The following MALRD1 variants were observed in gnomAD, a reference collection of about 807,000 sequenced individuals.
The protein encoded by MALRD1 is MAM and LDL receptor class A domain containing 1, also known as MAM and LDL-receptor class A domain-containing protein 1.
A neutral mutation model predicts 242.1 loss-of-function variants in MALRD1; 247 were observed. That is an observed-to-expected ratio of 1.02 (90% CI 0.92 to 1.13). MALRD1 has a LOEUF of 1.13. MALRD1 is among the 50% of genes most tolerant of loss of function. The pLI is 0.00. For missense variants in MALRD1, 2,989 were observed against 2,533.1 expected, an observed-to-expected ratio of 1.18 and a Z score of -3.86; for synonymous variants, 995 against 866.6, an observed-to-expected ratio of 1.15 and a Z score of -2.60.
At chr10:19,101,924 TC>T (rs1381158264) in intron 4 of MALRD1, among the ~76,000 whole-genome samples, 1 of 138,252 alleles carries the variant, frequency 7.2e-6, no homozygotes, top group Non-Finnish European at 1.5e-5. Flanking sequence ...ATATATAATC[TC>T]CAAGTAGTTT....
In MALRD1 at chr10:19,204,881, C is replaced by T. The variant is rs780530236; in HGVS notation, c.2211-17C>T. ...TTCTATAAATCACTTCCATTTCTTA[C>T]GTTTACTCTTTTTTAGGTTCTATAA... On this transcript the variant is annotated splice_polypyrimidine_tract_variant and intron_variant, in intron 16 of 39. Transcript: ENST00000454679. 16 of 1,522,410 alleles carry T rather than the reference C, an allele frequency of 1.1e-5. No homozygotes were observed. Among genetic ancestry groups the T allele is most frequent in the Admixed American group, 6.4e-5 (3 of 47,158 alleles). The allele number at this position is 1,522,410 out of a possible 1,614,324, so 94.3% of individuals were successfully genotyped here.
intron 28 of MALRD1, among the ~76,000 whole-genome samples, chr10:19,449,304 G>A (rs1835180567): frequency 6.6e-6 from 1 of 152,132 alleles, no homozygotes; most frequent in Non-Finnish European, 1.5e-5. Flanking sequence ...AGTCTCCCAA[G>A]TAGCTGGGAC....
intron 18 of MALRD1, among the ~76,000 whole-genome samples, chr10:19,255,434 C>G (rs1046994604): frequency 1.3e-5 from 2 of 151,868 alleles, no homozygotes; most frequent in Non-Finnish European, 2.9e-5. Context: ...TGGTCATTTT[C>G]TCAGGACTAC....
chr10:19,280,195 C>A lies in MALRD1; in HGVS notation c.3228C>A (p.Cys1076Ter). The A allele has an allele frequency of 6.6e-7, 1 of 1,520,424 alleles. No individual in the cohort carries two copies. The highest frequency in any genetic ancestry group is 8.8e-7 in the Non-Finnish European group (1 of 1,136,744). 94.2% of individuals were successfully genotyped at this position (1,520,424 alleles called of 1,614,324 possible). A position where few individuals can be genotyped will look rare whatever the true frequency, so the allele number is the denominator to read the frequency against. Residue 1076 changes from cysteine to a stop codon, truncating the protein, a stop_gained, in exon 20 of 40, where the codon TGC becomes TGA. Coordinates refer to ENST00000454679, the MANE Select transcript of MALRD1 (RefSeq NM_001142308.3). LOFTEE classifies it high-confidence loss of function. ...AGAAATGTGATTTTAAATATGACTG[C>A]CCTGACAAATCAGATGAAGCATCCT... ...KMQKCDFKYD[C>*]PDKSDEASCV...
chr10:19,643,469 A>T (rs1186835508), intron 36 of MALRD1, among the ~76,000 whole-genome samples: 3 of 152,152 alleles, frequency 2.0e-5, no homozygotes, highest in Non-Finnish European at 2.9e-5. Context: ...TTAAGCATTC[A>T]TGAATAAGAC....
intron 1 of MALRD1, among the ~76,000 whole-genome samples, chr10:19,055,974 T>C (rs987044387): frequency 2.6e-5 from 4 of 152,172 alleles, no homozygotes; most frequent in African/African-American, 7.2e-5. Context: ...AACTTGCACA[T>C]GTACCCTTGA....
At chr10:19,685,778 A>C (rs532800849) in intron 36 of MALRD1, among the ~76,000 whole-genome samples, 1 of 152,276 alleles carries the variant, frequency 6.6e-6, no homozygotes, top group Admixed American at 6.5e-5. Flanking sequence ...AGTTGGGGAG[A>C]ATAGGTCTCT....
Position 19,366,683 on chromosome 10 carries a change from T to A in MALRD1, c.4441+14386T>A, listed in dbSNP as rs780230119. Among the ~76,000 whole-genome samples the A allele has an allele frequency of 1.2e-4, 19 of 152,190 alleles. 1 individual carries two copies. Among genetic ancestry groups the A allele is most frequent in the Admixed American group, 1.2e-3 (19 of 15,264 alleles). On this transcript the variant is annotated intron_variant, in intron 26 of 39. Transcript: ENST00000454679. Reference sequence around the variant, plus strand: ...CTTATGCATTCTGGTGATGAACATATGGGTTGGTTCAAACCATTAGACCTT... The same window carrying A: ...CTTATGCATTCTGGTGATGAACATAAGGGTTGGTTCAAACCATTAGACCTT...
rs889983435 is a variant in MALRD1 at position 19,734,170 on chromosome 10, C to T, written c.6404C>T (p.Ser2135Phe). ...NPEKTESSVYSFSNPLYGTTS... is the reference protein window; with the variant it reads ...NPEKTESSVYFFSNPLYGTTS... Reference sequence around the variant, plus strand: ...TTTCTTCGTCAGAGTTCTGTCTATTCCTTCTCAAACCCATTATATGGCACA... The same window carrying T: ...TTTCTTCGTCAGAGTTCTGTCTATTTCTTCTCAAACCCATTATATGGCACA... The change falls in exon 40 of 40, where the codon TCC (serine) becomes TTC (phenylalanine). Residue 2135 changes from serine to phenylalanine, a missense_variant. Transcript: ENST00000454679. The T allele has an allele frequency of 1.2e-5, 19 of 1,534,926 alleles. No individual in the cohort carries two copies. The South Asian group carries it at 1.8e-4, about 14-fold the overall frequency.
Position 19,531,230 on chromosome 10 carries a change from G to T in MALRD1, c.5357G>T (p.Gly1786Val), listed in dbSNP as rs376844894. 1.3e-6 allele frequency: 2 copies of T among 1,550,142 alleles called. No individual in the cohort carries two copies. The highest frequency in any genetic ancestry group is 1.7e-6 in the Non-Finnish European group (2 of 1,146,828). ...CACTTCCTGTACGTCAACTCATCTG[G>T]CTCCAAGGAAGGATCCGTTGCCAGA... Reference protein sequence around the residue: ...GQHFLYVNSSGSKEGSVARIT... With the variant: ...GQHFLYVNSSVSKEGSVARIT... Residue 1786 changes from glycine (G) to valine (V), a missense_variant, in exon 32 of 40, where the codon GGC (glycine) becomes GTC (valine). Coordinates refer to ENST00000454679, the MANE Select transcript of MALRD1 (RefSeq NM_001142308.3).
At chr10:19,184,492 A>T (rs1247615781) in intron 14 of MALRD1, among the ~76,000 whole-genome samples, 1 of 152,268 alleles carries the variant, frequency 6.6e-6, no homozygotes, top group African/African-American at 2.4e-5. Flanking sequence ...TTGTTTCTTT[A>T]GGATAGATCA....
rs529142209 is a variant in MALRD1 at position 19,726,259 on chromosome 10, A to G, written c.6315-4447A>G. The stretch of plus-strand genomic sequence containing the variant: ...AAATCCATACAACTTAAGAACAAAA[A>G]GACAACCCAATTTCAAAATGGGCAA... On this transcript the variant is annotated intron_variant, in intron 38 of 39. Coordinates refer to ENST00000454679, the MANE Select transcript of MALRD1 (RefSeq NM_001142308.3). 3.3e-5 allele frequency among the ~76,000 whole-genome samples: 5 copies of G among 152,336 alleles called. No individual in the cohort carries two copies. In the East Asian group the frequency reaches 7.7e-4, roughly 24 times the overall value.
intron 39 of MALRD1, among the ~76,000 whole-genome samples, chr10:19,731,607 T>C (rs989910150): frequency 3.9e-5 from 6 of 152,030 alleles, no homozygotes; most frequent in Admixed American, 3.9e-4. Context: ...TCCCCAGAAT[T>C]TATACATCCT....
At chr10:19,639,484 A>G (rs562375871) in intron 36 of MALRD1, among the ~76,000 whole-genome samples, 101 of 152,308 alleles carry the variant, frequency 6.6e-4, no homozygotes, top group African/African-American at 2.3e-3. Context: ...TTGAGACATC[A>G]GCAACAAAAA....
chr10:19,246,313 G>A (rs747691643), intron 18 of MALRD1, among the ~76,000 whole-genome samples: 2 of 152,034 alleles, frequency 1.3e-5, no homozygotes, highest in Non-Finnish European at 2.9e-5. Context: ...TTTGTATTAA[G>A]TAACTGGCAT....
chr10:19,253,452 A>G (rs981766099), intron 18 of MALRD1, among the ~76,000 whole-genome samples: 8 of 151,976 alleles, frequency 5.3e-5, no homozygotes, highest in Admixed American at 5.3e-4. Context: ...GAGCAGTTCT[A>G]TGAATTTCAA....
chr10:19,494,468 G>A (rs1321774092), intron 30 of MALRD1, among the ~76,000 whole-genome samples: 1 of 152,134 alleles, frequency 6.6e-6, no homozygotes, highest in East Asian at 1.9e-4. Flanking sequence ...TTCAGAATAT[G>A]GGTAGGAACA....
chr10:19,711,102 T>C (rs552805470), intron 38 of MALRD1: 48 of 152,344 alleles, frequency 3.2e-4, no homozygotes, highest in African/African-American at 1.0e-3. Context: ...GGCTTCTTAA[T>C]TTTTGTTTAA....
intron 10 of MALRD1, among the ~76,000 whole-genome samples, chr10:19,143,410 G>T (rs1189156831): frequency 6.6e-6 from 1 of 152,174 alleles, no homozygotes; most frequent in Non-Finnish European, 1.5e-5. Flanking sequence ...AATTAGAATG[G>T]TGCCTTCAGC....
Sources: gnomAD v4.1 joint callset for allele counts (sites outside exome capture counted in the v4.1 genomes callset) on GRCh38, gnomAD v4.1.1 for gene constraint, MANE v1.5 for transcripts, NCBI Gene and HGNC (gene_info 2026-07-23, HGNC 2026-07-21) for gene names.